The following STK3 variants were observed in gnomAD, a reference collection of about 807,000 sequenced individuals.
STK3 encodes the protein serine/threonine-protein kinase 3.
Under a neutral mutation model 58.0 loss-of-function variants are expected in STK3, and 41 were observed. The observed-to-expected ratio is 0.71, with a 90% CI of 0.55 to 0.92. The LOEUF (loss-of-function observed/expected upper bound fraction) is 0.92. Ranked by LOEUF, STK3 falls within the 40% of genes least tolerant of loss-of-function variation. The pLI is 0.00. For missense variants in STK3, 479 were observed against 602.7 expected, an observed-to-expected ratio of 0.79 and a Z score of 2.15; for synonymous variants, 170 against 191.0, an observed-to-expected ratio of 0.89 and a Z score of 0.91.
intron 7 of STK3, among the ~76,000 whole-genome samples, chr8:98,594,683 C>A (rs1380919806): frequency 6.6e-6 from 1 of 151,962 alleles, no homozygotes; most frequent in East Asian, 1.9e-4. Flanking sequence ...TGAATATTGA[C>A]AATATTTCAA....
At chr8:98,930,918 C>A (rs571968994) in intron 1 of STK3, among the ~76,000 whole-genome samples, 77 of 152,316 alleles carry the variant, frequency 5.1e-4, no homozygotes, top group African/African-American at 1.8e-3. Flanking sequence ...GCCTGCACAG[C>A]GCCTGAAGGA....
At position 98,455,471 on chromosome 8, in the gene STK3, T is replaced by C. The variant is rs1404165124; in HGVS notation, c.*371A>G. The C allele has an allele frequency of 5.8e-6, 1 of 173,636 alleles. No homozygotes were observed. The highest frequency in any genetic ancestry group is 1.2e-5 in the Non-Finnish European group (1 of 82,588). The allele number at this position is 173,636 out of a possible 1,614,324, so 10.8% of individuals were successfully genotyped here. A position where few individuals can be genotyped will look rare whatever the true frequency, so the allele number is the denominator to read the frequency against. ...ACCTAAGGGGATACAATAAATAGCCTAGTATACTAGATAGGAATAAAGAAT... is the reference window on the plus strand; with the variant it reads ...ACCTAAGGGGATACAATAAATAGCCCAGTATACTAGATAGGAATAAAGAAT... On this transcript the variant is annotated 3_prime_UTR_variant, in exon 11 of 11. Coordinates refer to ENST00000419617, the MANE Select transcript of STK3 (RefSeq NM_006281.4).
chr8:98,871,779 C>T (rs1300965571), intron 3 of STK3, among the ~76,000 whole-genome samples: 2 of 152,164 alleles, frequency 1.3e-5, no homozygotes, highest in Non-Finnish European at 2.9e-5. Context: ...ACAATCATGT[C>T]ATCTGCAAAC....
At chr8:98,435,270 A>G (rs898461307) in intron 2 of STK3, among the ~76,000 whole-genome samples, 8 of 152,210 alleles carry the variant, frequency 5.3e-5, no homozygotes, top group African/African-American at 1.9e-4. Flanking sequence ...AGGGAAAAGG[A>G]AAAAACCTTT....
At chr8:98,652,857 A>T (rs549050581) in intron 6 of STK3, among the ~76,000 whole-genome samples, 4 of 151,898 alleles carry the variant, frequency 2.6e-5, no homozygotes, top group African/African-American at 9.7e-5. Flanking sequence ...CTACAAAGAG[A>T]CTTAGACTCC....
At chr8:98,652,923 C>T (rs1319329593) in intron 6 of STK3, among the ~76,000 whole-genome samples, 4 of 152,058 alleles carry the variant, frequency 2.6e-5, no homozygotes, top group Non-Finnish European at 5.9e-5. Flanking sequence ...GACAGATCAA[C>T]CAGACAGAAA....
At chr8:98,872,052 AGG>A (rs1837398132) in intron 3 of STK3, among the ~76,000 whole-genome samples, 2 of 152,314 alleles carry the variant, frequency 1.3e-5, no homozygotes, top group East Asian at 1.9e-4. Flanking sequence ...TTTAGCATGA[AGG>A]GCTGTTGAAT....
intron 4 of STK3, among the ~76,000 whole-genome samples, chr8:98,733,585 A>G (rs763625070): frequency 6.6e-6 from 1 of 152,218 alleles, no homozygotes; most frequent in Non-Finnish European, 1.5e-5. Flanking sequence ...CCCTGGTGCC[A>G]AAAAGGTCGA....
intron 10 of STK3, among the ~76,000 whole-genome samples, chr8:98,500,778 A>G (rs1823520575): frequency 6.6e-6 from 1 of 152,138 alleles, no homozygotes; most frequent in Non-Finnish European, 1.5e-5. Flanking sequence ...CATGGTGTAT[A>G]CGTGCCACAT....
At chr8:98,479,424 T>C (rs1821647507) in intron 10 of STK3, among the ~76,000 whole-genome samples, 1 of 130,904 alleles carries the variant, frequency 7.6e-6, no homozygotes, top group African/African-American at 2.9e-5. Flanking sequence ...GAGGTGGAGG[T>C]TGCCGTGAGC....
At chr8:98,565,421 G>A (rs1293886053) in intron 8 of STK3, among the ~76,000 whole-genome samples, 2 of 152,066 alleles carry the variant, frequency 1.3e-5, no homozygotes, top group Non-Finnish European at 2.9e-5. Flanking sequence ...TAAACTCTAA[G>A]TGATTAATGT....
At chr8:98,454,282 G>T (rs901182795), downstream of STK3, among the ~76,000 whole-genome samples, 1 of 152,182 alleles carries the variant, frequency 6.6e-6, no homozygotes, top group Non-Finnish European at 1.5e-5. Context: ...GAGTGTCCAT[G>T]TGACTAATTC....
chr8:98,556,595 T>C (rs531652010), intron 8 of STK3, among the ~76,000 whole-genome samples: 5 of 152,142 alleles, frequency 3.3e-5, no homozygotes, highest in Admixed American at 1.3e-4. Context: ...GTAAGTTTGA[T>C]TGAATTAGGG....
chr8:98,598,356 CT>C, intron 6 of STK3: 1 of 985,270 alleles, frequency 1.0e-6, no homozygotes, highest in Non-Finnish European at 1.2e-6. Flanking sequence ...TAAAGTGAAC[CT>C]AAAATGTCAC....
intron 6 of STK3, among the ~76,000 whole-genome samples, chr8:98,704,691 A>G (rs1825850569): frequency 1.3e-5 from 2 of 152,178 alleles, no homozygotes; most frequent in African/African-American, 4.8e-5. Flanking sequence ...TCAAACTCTC[A>G]GGTAATATTA....
chr8:98,509,058 C>T (rs1563681744), intron 10 of STK3, among the ~76,000 whole-genome samples: 1 of 151,208 alleles, frequency 6.6e-6, no homozygotes, highest in East Asian at 1.9e-4. Flanking sequence ...CCCCAACCAT[C>T]TTTTTTTTTC....
downstream of STK3, among the ~76,000 whole-genome samples, chr8:98,399,137 C>T (rs565884152): frequency 6.6e-6 from 1 of 152,302 alleles, no homozygotes; most frequent in East Asian, 1.9e-4. Flanking sequence ...GTTCAGCAGA[C>T]TGGACTAGAG....
intron 1 of STK3, among the ~76,000 whole-genome samples, chr8:98,811,901 C>T (rs1204366360): frequency 6.6e-6 from 1 of 152,212 alleles, no homozygotes; most frequent in Non-Finnish European, 1.5e-5. Context: ...CCTCCGCCTC[C>T]CAAGTTCAAG....
rs183967393 is a variant in STK3 at position 98,864,682 on chromosome 8, A to T, written c.110+18965T>A. ...TCACAGGCAAACTTTTTGAGATTTA[A>T]GAGTTTAGGTAAAATACTTGTTTAT... is the stretch of plus-strand genomic sequence containing the variant. On this transcript the variant is annotated intron_variant, in intron 3 of 12. Transcript: ENST00000523601. Among the ~76,000 whole-genome samples, 8 of 152,314 alleles carry T rather than the reference A, an allele frequency of 5.3e-5. No individual in the cohort carries two copies. The East Asian group carries it at 1.3e-3, about 26-fold the overall frequency.
Sources: allele counts gnomAD v4.1 joint callset (sites outside exome capture counted in the v4.1 genomes callset), GRCh38; gene constraint gnomAD v4.1.1; transcripts MANE v1.5; gene names NCBI Gene and HGNC (gene_info 2026-07-23, HGNC 2026-07-21).